The following TULP2 variants were observed in gnomAD, a reference collection of about 807,000 sequenced individuals.
TULP2 encodes the protein tubby-related protein 2.
A neutral mutation model predicts 60.3 loss-of-function variants in TULP2; 64 were observed. The ratio of observed to expected loss-of-function variants is 1.06; its 90% CI spans 0.87 to 1.31. TULP2 has a LOEUF of 1.31. Ranked by LOEUF, TULP2 falls within the 50% of genes most tolerant of loss-of-function variation. TULP2 has a pLI of 0.00. For missense variants in TULP2, 652 were observed against 667.0 expected (o/e 0.98, Z 0.25); for synonymous variants, 267 against 265.4 (o/e 1.01, Z -0.06).
chr19:48,897,482 T>G lies in TULP2; in HGVS notation c.33-86A>C, dbSNP rs757522577. 1.7e-4 allele frequency: 243 copies of G among 1,435,442 alleles called. 1 individual carries two copies. The highest frequency in any genetic ancestry group is 1.2e-3 in the Middle Eastern group (7 of 5,638). 88.9% of individuals were successfully genotyped at this position (1,435,442 alleles called of 1,614,324 possible). On this transcript the variant is annotated intron_variant, in intron 2 of 12. Transcript: ENST00000221399. This position sits in a 1 kb window ranked among gnomAD's most constrained non-coding sequence, Gnocchi z 4.0. ...CCCTCCTTCCCCCATCCTGCCCCTATCTCAGCTTGGGTTCTGGGCACCTGT... is the reference window on the plus strand; with the variant it reads ...CCCTCCTTCCCCCATCCTGCCCCTAGCTCAGCTTGGGTTCTGGGCACCTGT...
chr19:48,886,600 T>C (rs556201929), intron 8 of TULP2, among the ~76,000 whole-genome samples: 1 of 151,804 alleles, frequency 6.6e-6, no homozygotes, highest in Non-Finnish European at 1.5e-5. Context: ...GAGGAGACCA[T>C]ACTTGCAGGG....
intron 7 of TULP2, among the ~76,000 whole-genome samples, chr19:48,889,159 A>G (rs1407875336): frequency 2.6e-5 from 4 of 151,466 alleles, no homozygotes; most frequent in Non-Finnish European, 1.5e-5. Flanking sequence ...GTATTTTACT[A>G]GAGACAGGGT....
At chr19:48,884,908 CTTTTTTTTTT>C (rs745788084) in intron 9 of TULP2, among the ~76,000 whole-genome samples, 11 of 97,378 alleles carry the variant, frequency 1.1e-4, no homozygotes, top group South Asian at 9.7e-4. Context: ...TAGGAACCCT[CTTTTTTTTTT>C]TTTTTTTTTT....
chr19:48,885,336 C>A, intron 9 of TULP2, 112 bp downstream of exon 9: 1 of 825,670 alleles, frequency 1.2e-6, no homozygotes, highest in South Asian at 1.7e-5. Context: ...TTCAGTTCTT[C>A]TGGTCCCTGA....
At position 48,889,618 on chromosome 19, in the gene TULP2, C is replaced by T. The variant is rs547357431; in HGVS notation, c.528G>A (p.Glu176=). ...CCATATCCTGGGAGTCACTCTCACC[C>T]TCTGCACGGGTCCCTAATGTGGGGA... ...QAHQRPGTRA[E]GESDSQDMGD... is the part of the protein sequence containing the mutation. The change falls in exon 7 of 13, where the codon GAG becomes GAA. Residue 176 remains glutamate, a synonymous_variant. Coordinates refer to ENST00000221399, the MANE Select transcript of TULP2 (RefSeq NM_003323.3). 1.2e-5 allele frequency: 19 copies of T among 1,582,712 alleles called. No homozygotes were observed. The East Asian group carries it at 3.4e-4, about 28-fold the overall frequency.
intron 5 of TULP2, 24 bp downstream of exon 5, chr19:48,895,342 G>A: frequency 6.2e-7 from 1 of 1,611,442 alleles, no homozygotes; most frequent in African/African-American, 1.3e-5. Flanking sequence ...CTGGGGTCTA[G>A]GAGGTCGGTG....
chr19:48,886,121 A>G (rs1359313793), intron 8 of TULP2, among the ~76,000 whole-genome samples: 1 of 151,828 alleles, frequency 6.6e-6, no homozygotes, highest in Non-Finnish European at 1.5e-5. Flanking sequence ...CCTGGCTAAC[A>G]CGGTGAAACC....
At chr19:48,895,248 G>GA in intron 5 of TULP2, 86 bp from the exon 6 acceptor site, 1 of 1,573,546 alleles carries the variant, frequency 6.4e-7, no homozygotes, top group Non-Finnish European at 8.6e-7. Context: ...TGTGAGGAAG[G>GA]AGTGGGTGCG....
chr19:48,894,860 C>T (rs2037264092), intron 6 of TULP2, 138 bp downstream of exon 6: 4 of 1,189,474 alleles, frequency 3.4e-6, no homozygotes, highest in Admixed American at 3.0e-5. Flanking sequence ...TACTGGAAAC[C>T]ATGGAATTGT....
chr19:48,884,893 C>G (rs1208753763), intron 9 of TULP2, among the ~76,000 whole-genome samples: 1 of 149,060 alleles, frequency 6.7e-6, no homozygotes, highest in African/African-American at 2.5e-5. Flanking sequence ...ATTTAAAGGG[C>G]CCTTTAGGAA....
Position 48,896,452 on chromosome 19 carries a change from C to T in TULP2, c.189G>A (p.Glu63=). ...SPWLWRSCLR[E]ERLLGDRGLG... ...CACCTCTGTCACCTAAAAGGCGCTC[C>T]TCCCGCAGACAAGAGCGCCAAAGCC... Residue 63 remains glutamate, a synonymous_variant, in exon 4 of 13, where the codon GAG becomes GAA. Transcript: ENST00000221399. 5 of 1,610,246 alleles carry T rather than the reference C, an allele frequency of 3.1e-6. No individual in the cohort carries two copies. The highest frequency in any genetic ancestry group is 3.4e-6 in the Non-Finnish European group (4 of 1,178,780).
At chr19:48,896,329 T>C in intron 4 of TULP2, 101 bp downstream of exon 4, 2 of 1,428,042 alleles carry the variant, frequency 1.4e-6, no homozygotes, top group Admixed American at 5.0e-5. Flanking sequence ...CACTGCCAAG[T>C]CCCCACCCTA....
chr19:48,896,216 C>A (rs1300341648), intron 4 of TULP2, among the ~76,000 whole-genome samples: 3 of 152,176 alleles, frequency 2.0e-5, no homozygotes. Context: ...TGCCCCGAAC[C>A]CCTCCCTCAC....
At position 48,882,161 on chromosome 19, in the gene TULP2, G is replaced by C. The variant is rs781409518; in HGVS notation, c.1318C>G (p.Gln440Glu). The change falls in exon 12 of 13, where the codon CAA (glutamine) becomes GAA (glutamate). Residue 440 changes from glutamine (Q) to glutamate (E), a missense_variant. By Grantham distance (29) the Gln-to-Glu change is conservative (BLOSUM62 2). Transcript: ENST00000221399. The part of the protein sequence containing the change: ...LLSRYQRGDK[Q>E]GLLLLHNKTP... ...TTGTTGTGCAACAAAAGCAACCCTT[G>C]TTTGTCCCCACGTTGGTAACGACTC... is the stretch of plus-strand genomic sequence containing the variant. 2 of 1,614,036 alleles carry C rather than the reference G, an allele frequency of 1.2e-6. No individual in the cohort carries two copies. Among genetic ancestry groups the C allele is most frequent in the East Asian group, 4.5e-5 (2 of 44,886 alleles).
At chr19:48,884,522 G>T (rs865889975) in intron 9 of TULP2, among the ~76,000 whole-genome samples, 3 of 152,006 alleles carry the variant, frequency 2.0e-5, no homozygotes, top group Non-Finnish European at 4.4e-5. Context: ...TGTAATCCCA[G>T]CACTTTGGGA....
At chr19:48,884,334 C>T (rs1329009625) in intron 9 of TULP2, among the ~76,000 whole-genome samples, 2 of 151,996 alleles carry the variant, frequency 1.3e-5, no homozygotes, top group African/African-American at 2.4e-5. Context: ...GGTCCCAGCT[C>T]TCAAGAGGCT....
intron 9 of TULP2, 57 bp downstream of exon 9, chr19:48,885,391 C>G: frequency 6.9e-7 from 1 of 1,439,870 alleles, no homozygotes; most frequent in Non-Finnish European, 9.8e-7. Flanking sequence ...AATGGAGTCC[C>G]CCTGTCCCTA....
chr19:48,889,401 C>G, intron 7 of TULP2, 109 bp downstream of exon 7: 2 of 1,480,340 alleles, frequency 1.4e-6, no homozygotes, highest in Non-Finnish European at 1.8e-6. Flanking sequence ...TAATCACCAC[C>G]AGGAAAAAGA....
In TULP2 at chr19:48,895,357, C is replaced by T. The variant is rs2037268570; in HGVS notation, c.349+9G>A. 1 of 1,612,946 alleles carries T rather than the reference C, an allele frequency of 6.2e-7. No homozygotes were observed. The highest frequency in any genetic ancestry group is 8.5e-7 in the Non-Finnish European group (1 of 1,179,372). On this transcript the variant is annotated intron_variant, in intron 5 of 12. Transcript: ENST00000221399. ...CTGGGGTCTAGGAGGTCGGTGGACT[C>T]GCAAATACCTGCTTCTGTCCGCGGT... is the stretch of plus-strand genomic sequence containing the variant.
Sources: allele counts gnomAD v4.1 joint callset (sites outside exome capture counted in the v4.1 genomes callset), GRCh38; gene constraint gnomAD v4.1.1; non-coding constraint Gnocchi (gnomAD v3.1); transcripts MANE v1.5; gene names NCBI Gene and HGNC (gene_info 2026-07-23, HGNC 2026-07-21).